Variants in PRR14L observed in about 807,000 individuals in gnomAD.
PRR14L encodes proline rich 14 like.
In PRR14L, 80 loss-of-function variants were observed where a neutral mutation model predicts 155.0. The observed-to-expected ratio is 0.52, with a 90% CI of 0.43 to 0.62. PRR14L has a LOEUF of 0.62. PRR14L is among the 20% of genes least tolerant of loss of function. The pLI is 0.00. For missense variants in PRR14L, 2,469 were observed against 2,548.0 expected (o/e 0.97, Z 0.67); for synonymous variants, 883 against 916.0 (o/e 0.96, Z 0.65).
intron 7 of PRR14L, among the ~76,000 whole-genome samples, chr22:31,696,567 C>G (rs2147854982): frequency 6.6e-6 from 1 of 152,240 alleles, no homozygotes; most frequent in South Asian, 2.1e-4. Flanking sequence ...ACTACCATAC[C>G]CAGCTCAATC....
At chr22:31,740,399 T>C (rs1180001393) in intron 1 of PRR14L, among the ~76,000 whole-genome samples, 6 of 152,274 alleles carry the variant, frequency 3.9e-5, no homozygotes, top group African/African-American at 1.4e-4. Context: ...TTTGTATTTT[T>C]AGTAGAGACA....
In PRR14L at chr22:31,685,599, C is replaced by A; in HGVS notation, c.6384G>T (p.Leu2128Phe). 1 of 1,552,034 alleles carries A rather than the reference C, an allele frequency of 6.4e-7. No homozygotes were observed. Among genetic ancestry groups the A allele is most frequent in the Non-Finnish European group, 8.7e-7 (1 of 1,147,038 alleles). The change falls in exon 9 of 9, where the codon TTG becomes TTT. Residue 2128 changes from leucine (L) to phenylalanine (F), a missense_variant. Around this residue, in one of 2 missense-constraint regions of PRR14L, gnomAD observed 106 missense variants for 176.4 expected, o/e 0.60. Transcript: ENST00000327423. ...AVQSRELDAL[L>F]IQKLMELETF... is the part of the protein sequence containing the mutation. ...TCTCCAGTTCCATTAGTTTCTGTAT[C>A]AAAAGAGCATCCAGCTCTCGACTCT...
chr22:31,735,166 G>A (rs1428237567), intron 2 of PRR14L, among the ~76,000 whole-genome samples: 3 of 152,210 alleles, frequency 2.0e-5, no homozygotes, highest in African/African-American at 4.8e-5. Flanking sequence ...GTGGCGGGGC[G>A]CGGTGGCTTG....
intron 7 of PRR14L, among the ~76,000 whole-genome samples, chr22:31,690,586 G>A (rs2074506042): frequency 6.6e-6 from 1 of 152,022 alleles, no homozygotes; most frequent in Non-Finnish European, 1.5e-5. Context: ...CCTGGCTGAA[G>A]CAATCCTCCT....
intron 7 of PRR14L, among the ~76,000 whole-genome samples, chr22:31,695,409 T>G (rs565886197): frequency 1.3e-5 from 2 of 152,256 alleles, no homozygotes; most frequent in East Asian, 3.9e-4. Context: ...CCATGGGCCA[T>G]CAGTGATTAA....
At chr22:31,748,081 T>A (rs1302297481) in intron 1 of PRR14L, among the ~76,000 whole-genome samples, 1 of 151,598 alleles carries the variant, frequency 6.6e-6, no homozygotes, top group Non-Finnish European at 1.5e-5. Context: ...GGGCTGTTAA[T>A]AACACTAGGC....
At chr22:31,733,343 C>G (rs2074760993) in intron 2 of PRR14L, among the ~76,000 whole-genome samples, 1 of 120,450 alleles carries the variant, frequency 8.3e-6, no homozygotes, top group Admixed American at 1.1e-4. Flanking sequence ...CTCGCTCTGT[C>G]ACTCAGGCTG....
chr22:31,729,741 T>C (rs1044677598), intron 2 of PRR14L, among the ~76,000 whole-genome samples: 3 of 152,164 alleles, frequency 2.0e-5, no homozygotes, highest in Non-Finnish European at 4.4e-5. Flanking sequence ...ATGGTTGTTG[T>C]CAAAGACGGG....
chr22:31,709,043 G>A (rs749887325), intron 4 of PRR14L, among the ~76,000 whole-genome samples: 18 of 151,850 alleles, frequency 1.2e-4, no homozygotes, highest in Non-Finnish European at 1.9e-4. Flanking sequence ...GGCTGGTCTC[G>A]AACTCCTGAC....
chr22:31,694,433 C>T (rs1269289507), intron 7 of PRR14L, among the ~76,000 whole-genome samples: 2 of 152,118 alleles, frequency 1.3e-5, no homozygotes, highest in Non-Finnish European at 2.9e-5. Context: ...ACCAGCCTGA[C>T]CAACATGGTG....
chr22:31,721,760 G>C lies in PRR14L; in HGVS notation c.547+3778C>G, dbSNP rs140082. ...GATGGAAATCCCAAGTACACAAGTT[G>C]ATCTTTTCAAATTATACGATGTATT... On this transcript the variant is annotated intron_variant, in intron 3 of 8. Coordinates refer to ENST00000327423, the MANE Select transcript of PRR14L (RefSeq NM_173566.3). Among the ~76,000 whole-genome samples the C allele has an allele frequency of 4.8e-3, 738 of 152,190 alleles. 5 individuals carry two copies. Among genetic ancestry groups the C allele is most frequent in the African/African-American group, 0.017 (701 of 41,520 alleles).
Position 31,713,538 on chromosome 22 carries a change from G to A in PRR14L, c.4301C>T (p.Pro1434Leu), listed in dbSNP as rs748902436. ...LLDDAQNQNQ[P>L]KADKDESTMI... is the part of the protein sequence containing the mutation. ...GGTGGACTCATCTTTGTCAGCCTTC[G>A]GTTGGTTCTGATTTTGTGCATCATC... Residue 1434 changes from proline to leucine, a missense_variant, in exon 4 of 9, where the codon CCG becomes CTG. Physicochemically the swap from Pro to Leu is moderately conservative, Grantham distance 98 (BLOSUM62 -3). Coordinates refer to ENST00000327423, the MANE Select transcript of PRR14L (RefSeq NM_173566.3). 23 of 1,551,924 alleles carry A rather than the reference G, an allele frequency of 1.5e-5. No homozygotes were observed. The highest frequency in any genetic ancestry group is 5.9e-5 in the Admixed American group (3 of 50,968).
chr22:31,725,202 C>T (rs905350028), intron 3 of PRR14L, among the ~76,000 whole-genome samples: 3 of 152,034 alleles, frequency 2.0e-5, no homozygotes, highest in Admixed American at 2.0e-4. Context: ...CGAGACCAGC[C>T]TAGGCAACAT....
intron 2 of PRR14L, among the ~76,000 whole-genome samples, chr22:31,734,574 G>A (rs916183453): frequency 2.6e-5 from 4 of 152,182 alleles, no homozygotes; most frequent in Non-Finnish European, 5.9e-5. Context: ...ATTAGGAGCT[G>A]TTGCTGCTGC....
At chr22:31,703,451 G>C in intron 6 of PRR14L, 99 bp downstream of exon 6, 1 of 1,182,084 alleles carries the variant, frequency 8.5e-7, no homozygotes, top group Non-Finnish European at 1.2e-6. Flanking sequence ...GGTACGTAAA[G>C]ATACTCAGAA....
intron 7 of PRR14L, among the ~76,000 whole-genome samples, chr22:31,689,888 G>A (rs1291795488): frequency 6.6e-6 from 1 of 151,950 alleles, no homozygotes; most frequent in Non-Finnish European, 1.5e-5. Context: ...TGGAATTACA[G>A]GCATCCGCCA....
intron 2 of PRR14L, among the ~76,000 whole-genome samples, chr22:31,726,560 C>T (rs1360777815): frequency 1.3e-5 from 2 of 152,154 alleles, no homozygotes; most frequent in South Asian, 4.1e-4. Context: ...AGACACCGCG[C>T]CTGGCCAAGA....
chr22:31,727,418 G>A (rs764924693), intron 2 of PRR14L, among the ~76,000 whole-genome samples: 1 of 151,708 alleles, frequency 6.6e-6, no homozygotes, highest in Non-Finnish European at 1.5e-5. Flanking sequence ...TATTTTAGTA[G>A]AGACAGGGTT....
At chr22:31,724,265 G>T (rs972855856) in intron 3 of PRR14L, among the ~76,000 whole-genome samples, 6 of 152,182 alleles carry the variant, frequency 3.9e-5, no homozygotes, top group African/African-American at 1.4e-4. Context: ...GAAACGAAGT[G>T]CACAATAAAT....
Sources: gnomAD v4.1 joint callset for allele counts (sites outside exome capture counted in the v4.1 genomes callset) on GRCh38, gnomAD v4.1.1 for gene constraint, gnomAD v4.1.1 regional missense constraint, MANE v1.5 for transcripts, NCBI Gene and HGNC (gene_info 2026-07-23, HGNC 2026-07-21) for gene names.